FMN2: variants seen among roughly 807,000 people sequenced by gnomAD.
FMN2 encodes the protein formin-2.
A neutral mutation model predicts 142.3 loss-of-function variants in FMN2; 51 were observed. The observed-to-expected ratio is 0.36, with a 90% CI of 0.29 to 0.45. The LOEUF (loss-of-function observed/expected upper bound fraction) is 0.45. FMN2 is among the 20% of genes least tolerant of loss of function. The pLI is 1.00. For missense variants in FMN2, 1,936 were observed against 2,122.8 expected, an observed-to-expected ratio of 0.91 and a Z score of 1.73; for synonymous variants, 882 against 869.8, an observed-to-expected ratio of 1.01 and a Z score of -0.25.
intron 6 of FMN2, among the ~76,000 whole-genome samples, chr1:240,215,997 C>G (rs1307304837): frequency 6.6e-6 from 1 of 152,202 alleles, no homozygotes; most frequent in African/African-American, 2.4e-5. Context: ...GCATGAACCA[C>G]TGCGCCTGGC....
At chr1:240,264,904 T>C (rs1046982340) in intron 7 of FMN2, among the ~76,000 whole-genome samples, 1 of 152,160 alleles carries the variant, frequency 6.6e-6, no homozygotes, top group Non-Finnish European at 1.5e-5. Context: ...TTGTGTAAAA[T>C]TGTCCAGAAG....
intron 16 of FMN2, among the ~76,000 whole-genome samples, chr1:240,445,614 A>G (rs977373198): frequency 2.0e-4 from 30 of 152,096 alleles, no homozygotes; most frequent in African/African-American, 6.3e-4. Flanking sequence ...GAATTTGATA[A>G]AGCAAGCTGA....
chr1:240,374,178 T>G (rs1264084680), intron 14 of FMN2, among the ~76,000 whole-genome samples: 1 of 152,210 alleles, frequency 6.6e-6, no homozygotes, highest in African/African-American at 2.4e-5. Flanking sequence ...TAAGCAGATG[T>G]GCTGTCATCC....
chr1:240,206,359 ATATTAT>A (rs567603071), intron 4 of FMN2, among the ~76,000 whole-genome samples: 385 of 152,334 alleles, frequency 2.5e-3, no homozygotes, highest in African/African-American at 8.8e-3. Context: ...AATATTTTAT[ATATTAT>A]TATTGAACAC....
chr1:240,119,453 C>T (rs114349008), intron 1 of FMN2, among the ~76,000 whole-genome samples: 3,164 of 152,252 alleles, frequency 0.021, 93 homozygotes, highest in African/African-American at 0.072. Flanking sequence ...GCCTGGGGTT[C>T]TCAGCCTGGG....
rs1255385466 is a variant in FMN2, at chr1:240,206,793, C to T, written c.1987-6C>T. The stretch of plus-strand genomic sequence containing the variant: ...ACTAACTGTGTCTGTCCTTGTCGCC[C>T]TTCAGGAAGTTGTTGACATGAAGTC... On this transcript the variant is annotated splice_polypyrimidine_tract_variant and splice_region_variant and intron_variant, in intron 4 of 17. Coordinates refer to ENST00000319653, the MANE Select transcript of FMN2 (RefSeq NM_020066.5). 1.2e-6 allele frequency: 2 copies of T among 1,602,198 alleles called. No homozygotes were observed. Among genetic ancestry groups the T allele is most frequent in the Non-Finnish European group, 1.7e-6 (2 of 1,170,804 alleles).
chr1:240,442,518 C>A (rs575942953), intron 16 of FMN2, among the ~76,000 whole-genome samples: 26 of 152,314 alleles, frequency 1.7e-4, no homozygotes, highest in African/African-American at 5.3e-4. Context: ...TTTAAAATCA[C>A]CCATGTGATT....
chr1:240,444,837 G>T (rs1572322673), intron 16 of FMN2, among the ~76,000 whole-genome samples: 2 of 152,290 alleles, frequency 1.3e-5, no homozygotes, highest in East Asian at 1.9e-4. Context: ...AGAAGGAAGA[G>T]ACCATTTTCA....
At chr1:240,102,746 C>T (rs1558296068) in intron 1 of FMN2, among the ~76,000 whole-genome samples, 1 of 151,682 alleles carries the variant, frequency 6.6e-6, no homozygotes, top group Non-Finnish European at 1.5e-5. Context: ...CTGTTGGATT[C>T]AATATTTTGG....
intron 1 of FMN2, among the ~76,000 whole-genome samples, chr1:240,117,316 T>A (rs1286153160): frequency 6.6e-6 from 1 of 152,232 alleles, no homozygotes; most frequent in Non-Finnish European, 1.5e-5. Flanking sequence ...GAAGCTTACA[T>A]GAGAACCCAC....
At position 240,259,605 on chromosome 1, in the gene FMN2, A is replaced by T. The variant is rs537854353; in HGVS notation, c.4153+1573A>T. Among the ~76,000 whole-genome samples, 128 of 150,938 alleles carry T rather than the reference A, an allele frequency of 8.5e-4. 1 individual carries two copies. The highest frequency in any genetic ancestry group is 2.8e-3 in the African/African-American group (114 of 41,044). Reference sequence around the variant, plus strand: ...TGTATTGTCTGCAAACAGGATTTACATGTGTGAATCGCTTGTGTCCTCTAG... The same window carrying T: ...TGTATTGTCTGCAAACAGGATTTACTTGTGTGAATCGCTTGTGTCCTCTAG... On this transcript the variant is annotated intron_variant, in intron 7 of 17. Transcript: ENST00000319653.
At chr1:240,221,577 T>G (rs571761927) in intron 6 of FMN2, among the ~76,000 whole-genome samples, 4 of 152,316 alleles carry the variant, frequency 2.6e-5, no homozygotes, top group African/African-American at 4.8e-5. Flanking sequence ...TTGTTTGTTT[T>G]TTTTCTTGTA....
chr1:240,141,283 G>C (rs1029895770), intron 2 of FMN2, among the ~76,000 whole-genome samples: 3 of 152,198 alleles, frequency 2.0e-5, no homozygotes, highest in African/African-American at 7.2e-5. Context: ...TAAGACAAGA[G>C]TGAAGCTTAG....
intron 15 of FMN2, among the ~76,000 whole-genome samples, chr1:240,436,003 T>C (rs1463336037): frequency 1.3e-5 from 2 of 152,174 alleles, no homozygotes; most frequent in African/African-American, 4.8e-5. Context: ...ATAAGGAAAA[T>C]GACCAGTTTT....
In FMN2 at chr1:240,448,297, T is replaced by C. The variant is rs77383157; in HGVS notation, c.5060+10087T>C. 4.1e-3 allele frequency among the ~76,000 whole-genome samples: 630 copies of C among 152,324 alleles called. 7 individuals are homozygous for C. Among genetic ancestry groups the C allele is most frequent in the African/African-American group, 0.014 (600 of 41,574 alleles). ...ATGAAACAGGCTGGTGCTTTCCCTG[T>C]GTAAACCCACTTCACGAACTCTAAG... On this transcript the variant is annotated intron_variant, in intron 16 of 17. Transcript: ENST00000319653.
At chr1:240,241,455 A>G (rs896997151) in intron 6 of FMN2, among the ~76,000 whole-genome samples, 6 of 152,130 alleles carry the variant, frequency 3.9e-5, no homozygotes, top group Non-Finnish European at 7.4e-5. Flanking sequence ...GTGTGTGCAC[A>G]TGGCTCTCAG....
At chr1:240,423,906 G>A (rs563486896) in intron 15 of FMN2, among the ~76,000 whole-genome samples, 3 of 152,166 alleles carry the variant, frequency 2.0e-5, no homozygotes, top group African/African-American at 7.2e-5. Context: ...TAGAGGGAGA[G>A]GAAATTAATA....
chr1:240,238,166 T>C (rs1016717763), intron 6 of FMN2, among the ~76,000 whole-genome samples: 1 of 152,220 alleles, frequency 6.6e-6, no homozygotes, highest in East Asian at 1.9e-4. Flanking sequence ...AATACCTTTA[T>C]GCAGCTGACT....
At chr1:240,248,807 G>C (rs1047733864) in intron 6 of FMN2, among the ~76,000 whole-genome samples, 1 of 151,922 alleles carries the variant, frequency 6.6e-6, no homozygotes, top group Non-Finnish European at 1.5e-5. Context: ...GCATTTTCCT[G>C]ATGGTTAGTG....
Sources: gnomAD v4.1 joint callset for allele counts (sites outside exome capture counted in the v4.1 genomes callset) on GRCh38, gnomAD v4.1.1 for gene constraint, MANE v1.5 for transcripts, NCBI Gene and HGNC (gene_info 2026-07-23, HGNC 2026-07-21) for gene names.